Variants in RNLS observed in about 807,000 individuals in gnomAD.
RNLS encodes the protein renalase, FAD dependent amine oxidase.
A neutral mutation model predicts 39.8 loss-of-function variants in RNLS; 39 were observed. The observed-to-expected ratio is 0.98, with a 90% CI of 0.76 to 1.28. The LOEUF (loss-of-function observed/expected upper bound fraction) is 1.28, where lower values mean the gene tolerates loss of function less well. Among genes scored for constraint, RNLS ranks in the 50% most tolerant of loss-of-function variants. RNLS has a pLI of 0.00. For synonymous variants in RNLS, 147 were observed against 150.7 expected (o/e 0.98, Z 0.18); for missense variants, 410 against 413.3 (o/e 0.99, Z 0.07).
intron 4 of RNLS, among the ~76,000 whole-genome samples, chr10:88,507,884 C>T (rs554966144): frequency 6.6e-6 from 1 of 152,226 alleles, no homozygotes; most frequent in East Asian, 1.9e-4. Flanking sequence ...ACATGTAAAT[C>T]TAATGTCTCT....
chr10:88,468,055 G>A (rs980224420), intron 4 of RNLS, among the ~76,000 whole-genome samples: 2 of 152,132 alleles, frequency 1.3e-5, no homozygotes, highest in African/African-American at 2.4e-5. Flanking sequence ...AAAATAGATA[G>A]GGAGTGTTCC....
intron 5 of RNLS, among the ~76,000 whole-genome samples, chr10:88,329,764 A>C (rs968202820): frequency 1.4e-4 from 21 of 151,802 alleles, no homozygotes; most frequent in Admixed American, 1.3e-3. Flanking sequence ...TTCTCCTTAC[A>C]TCTGTGGTTT....
the RNLS span, among the ~76,000 whole-genome samples, chr10:88,258,673 A>G: frequency 6.6e-6 from 1 of 152,224 alleles, no homozygotes; most frequent in Non-Finnish European, 1.5e-5. Context: ...GAGAAAAGTA[A>G]TAAGTTGCAG....
intron 4 of RNLS, among the ~76,000 whole-genome samples, chr10:88,482,260 A>T (rs925146672): frequency 1.3e-5 from 2 of 152,110 alleles, no homozygotes; most frequent in Non-Finnish European, 1.5e-5. Flanking sequence ...TTCTCTCCTT[A>T]TAAGACTCCT....
At chr10:88,399,428 C>G (rs116885655) in intron 4 of RNLS, among the ~76,000 whole-genome samples, 2,612 of 152,000 alleles carry the variant, frequency 0.017, 29 homozygotes, top group Non-Finnish European at 0.027. Context: ...TACGGTATAT[C>G]CATACAATGG....
At chr10:88,190,705 T>C in the RNLS span, among the ~76,000 whole-genome samples, 1 of 152,332 alleles carries the variant, frequency 6.6e-6, no homozygotes, top group African/African-American at 2.4e-5. Flanking sequence ...GGGCATAGGT[T>C]CCTGTGTTCT....
downstream of RNLS, among the ~76,000 whole-genome samples, chr10:88,272,932 G>T (rs1842688425): frequency 2.6e-5 from 4 of 152,242 alleles, no homozygotes; most frequent in South Asian, 8.3e-4. Flanking sequence ...CTAGACCCCA[G>T]CCCTGGAGTT....
chr10:88,564,806 G>A (rs139629394), intron 4 of RNLS, among the ~76,000 whole-genome samples: 4 of 152,308 alleles, frequency 2.6e-5, no homozygotes, highest in Admixed American at 2.0e-4. Flanking sequence ...TCCCAGCTGG[G>A]AGGAAGTTTA....
At chr10:88,247,259 AG>A in the RNLS span, among the ~76,000 whole-genome samples, 4 of 152,230 alleles carry the variant, frequency 2.6e-5, no homozygotes, top group Admixed American at 6.5e-5. Flanking sequence ...CATGCAACAG[AG>A]GGGGCTGGCC....
chr10:88,566,486 G>A (rs1046001684), intron 4 of RNLS, among the ~76,000 whole-genome samples: 10 of 152,066 alleles, frequency 6.6e-5, no homozygotes, highest in African/African-American at 2.2e-4. Flanking sequence ...GAAAAGAACA[G>A]AACCTAAGAA....
intron 5 of RNLS, among the ~76,000 whole-genome samples, chr10:88,346,712 T>G (rs1043124287): frequency 6.6e-6 from 1 of 152,168 alleles, no homozygotes; most frequent in African/African-American, 2.4e-5. Context: ...GCTCAGCAAA[T>G]ATTTATCAAG....
intron 4 of RNLS, among the ~76,000 whole-genome samples, chr10:88,538,371 T>G (rs1438967026): frequency 6.6e-6 from 1 of 152,134 alleles, no homozygotes; most frequent in Non-Finnish European, 1.5e-5. Context: ...ACAAGTATTC[T>G]AAGACTTCAA....
chr10:88,262,182 A>C, the RNLS span, among the ~76,000 whole-genome samples: 1 of 152,134 alleles, frequency 6.6e-6, no homozygotes, highest in Non-Finnish European at 1.5e-5. Context: ...TCTATGCCAT[A>C]GACAGGAATT....
In RNLS at chr10:88,560,323, C is replaced by CA. The variant is rs1346259128; in HGVS notation, c.526+12579dup. Among the ~76,000 whole-genome samples the CA allele has an allele frequency of 4.6e-3, 656 of 143,598 alleles. 3 individuals are homozygous for CA. The highest frequency in any genetic ancestry group is 0.01 in the African/African-American group (397 of 39,254). The allele number at this position is 143,598 out of a possible 152,430, so 94.2% of individuals were successfully genotyped here. ...CTCTTGCTTTCTGTAAAGCTGGGGA[C>CA]AAAAAAAAAACCCAGTAATGATCTT... On this transcript the variant is annotated intron_variant, in intron 4 of 6. Coordinates refer to ENST00000331772, the MANE Select transcript of RNLS (RefSeq NM_001031709.3).
At chr10:88,278,499 T>C (rs764770239) in intron 6 of RNLS, among the ~76,000 whole-genome samples, 10 of 152,126 alleles carry the variant, frequency 6.6e-5, no homozygotes, top group Non-Finnish European at 1.3e-4. Flanking sequence ...TTACATGTCA[T>C]TGGTAGGTGA....
In RNLS at chr10:88,572,969, A is replaced by G; in HGVS notation, c.460T>C (p.Phe154Leu). ...VSKQTGSPEQ[F>L]DLIVLTMPVP... ...GGCATTGTGAGAACAATAAGATCAAACTGCTCAGGGGAGCCTGTTTGTTTG... is the reference window on the plus strand; with the variant it reads ...GGCATTGTGAGAACAATAAGATCAAGCTGCTCAGGGGAGCCTGTTTGTTTG... The change falls in exon 4 of 7, where the codon TTT (phenylalanine) becomes CTT (leucine). Residue 154 changes from phenylalanine to leucine, a missense_variant. Transcript: ENST00000331772. The G allele has an allele frequency of 6.2e-7, 1 of 1,614,064 alleles. No homozygotes were observed. Among genetic ancestry groups the G allele is most frequent in the Non-Finnish European group, 8.5e-7 (1 of 1,179,936 alleles).
At chr10:88,219,394 T>C in the RNLS span, among the ~76,000 whole-genome samples, 43 of 152,230 alleles carry the variant, frequency 2.8e-4, no homozygotes, top group African/African-American at 1.0e-3. Context: ...ATTTTCCTAA[T>C]GTTCCTACTC....
intron 4 of RNLS, among the ~76,000 whole-genome samples, chr10:88,531,730 T>C (rs925679067): frequency 1.3e-5 from 2 of 152,134 alleles, no homozygotes; most frequent in Non-Finnish European, 1.5e-5. Flanking sequence ...ATCCCAGTGA[T>C]AGTTTTTATG....
At chr10:88,575,214 GTATA>G (rs10583088) in intron 3 of RNLS, among the ~76,000 whole-genome samples, 46,678 of 128,090 alleles carry the variant, frequency 0.36, 9,529 homozygotes, top group African/African-American at 0.53. Flanking sequence ...ATATGTGTGT[GTATA>G]TATATATATA....
Sources: allele counts gnomAD v4.1 joint callset (sites outside exome capture counted in the v4.1 genomes callset), GRCh38; gene constraint gnomAD v4.1.1; transcripts MANE v1.5; gene names NCBI Gene and HGNC (gene_info 2026-07-23, HGNC 2026-07-21).